Variants in LIX1L observed in about 807,000 individuals in gnomAD.
The protein encoded by LIX1L is limb and CNS expressed 1 like.
Under a neutral mutation model 34.0 loss-of-function variants are expected in LIX1L, and 20 were observed. That is an observed-to-expected ratio of 0.59 (90% CI 0.41 to 0.85). LIX1L has a LOEUF of 0.85. Ranked by LOEUF, LIX1L falls within the 40% of genes least tolerant of loss-of-function variation. LIX1L has a pLI of 0.00. For synonymous variants in LIX1L, 170 were observed against 187.4 expected (o/e 0.91, Z 0.76); for missense variants, 397 against 447.0 (o/e 0.89, Z 1.01).
intron 1 of LIX1L, among the ~76,000 whole-genome samples, chr1:145,951,766 A>C (rs1170786871): frequency 3.3e-5 from 5 of 152,180 alleles, no homozygotes; most frequent in African/African-American, 1.2e-4. Context: ...CTTGACATGC[A>C]CACAACAGGG....
At chr1:145,946,540 T>A (rs1361279134) in intron 2 of LIX1L, among the ~76,000 whole-genome samples, 1 of 152,108 alleles carries the variant, frequency 6.6e-6, no homozygotes, top group Non-Finnish European at 1.5e-5. Context: ...ATCACCTGAT[T>A]TGAAATGAAG....
At chr1:145,947,865 T>A (rs973481463) in intron 1 of LIX1L, 83 bp from the exon 2 acceptor site, 16 of 1,234,986 alleles carry the variant, frequency 1.3e-5, no homozygotes, top group Non-Finnish European at 1.9e-5. Flanking sequence ...ACCTGTAACC[T>A]GTACCTACAT....
intron 1 of LIX1L, among the ~76,000 whole-genome samples, chr1:145,951,561 A>AAAAATT (rs1218330402): frequency 6.6e-6 from 1 of 152,194 alleles, no homozygotes; most frequent in Non-Finnish European, 1.5e-5. Context: ...CATGGGCAAA[A>AAAAATT]AAAATTAAAA....
At chr1:145,945,346 T>A in intron 2 of LIX1L, among the ~76,000 whole-genome samples, 1 of 145,262 alleles carries the variant, frequency 6.9e-6, no homozygotes, top group African/African-American at 2.5e-5. Context: ...AGAAAGACAA[T>A]TCTCCTCTTT....
In LIX1L at chr1:145,942,854, C is replaced by G; in HGVS notation, c.457-1G>C. The G allele has an allele frequency of 6.2e-7, 1 of 1,613,984 alleles. No individual in the cohort carries two copies. Among genetic ancestry groups the G allele is most frequent in the Non-Finnish European group, 8.5e-7 (1 of 1,179,924 alleles). On this transcript the variant is annotated splice_acceptor_variant, in intron 2 of 5. Coordinates refer to ENST00000604000, the MANE Select transcript of LIX1L (RefSeq NM_153713.3). LOFTEE classifies it high-confidence loss of function. ...GGGCCTCAGCTTTTGTGGGGCAAAA[C>G]TAGGCAGGGGAGAAAGAGTGAGAAT...
At chr1:145,955,964 T>C (rs1553760319) in intron 1 of LIX1L, among the ~76,000 whole-genome samples, 1 of 152,210 alleles carries the variant, frequency 6.6e-6, no homozygotes, top group African/African-American at 2.4e-5. Flanking sequence ...TTTTAATAAA[T>C]GCCTGTAAGT....
chr1:145,933,778 T>G lies in LIX1L; in HGVS notation c.*2532A>C, dbSNP rs1329568550. The G allele has an allele frequency of 6.6e-6, 1 of 152,040 alleles. No homozygotes were observed. Among genetic ancestry groups the G allele is most frequent in the Non-Finnish European group, 1.5e-5 (1 of 68,018 alleles). 9.4% of individuals were successfully genotyped at this position (152,040 alleles called of 1,614,324 possible). On this transcript the variant is annotated 3_prime_UTR_variant, in exon 6 of 6. Coordinates refer to ENST00000604000, the MANE Select transcript of LIX1L (RefSeq NM_153713.3). ...TTTCATGGAATACAAACATGGGGCTTCTACCCCAGCTCTCTTCTGATTAGT... is the reference window on the plus strand; with the variant it reads ...TTTCATGGAATACAAACATGGGGCTGCTACCCCAGCTCTCTTCTGATTAGT...
chr1:145,942,049 AT>A (rs1217039026), intron 3 of LIX1L: 6 of 148,746 alleles, frequency 4.0e-5, no homozygotes, highest in Admixed American at 6.7e-5. Context: ...ATGCCCGGCT[AT>A]TTTTTTTTTA....
chr1:145,955,866 G>C (rs1649457522), intron 1 of LIX1L, among the ~76,000 whole-genome samples: 2 of 152,294 alleles, frequency 1.3e-5, no homozygotes, highest in South Asian at 4.1e-4. Context: ...CTAAGGAAAT[G>C]AAAGTTTTTA....
intron 2 of LIX1L, chr1:145,947,374 A>G: frequency 2.2e-6 from 1 of 457,972 alleles, no homozygotes; most frequent in Non-Finnish European, 4.0e-6. Flanking sequence ...AGTCGGATAT[A>G]CTGAGCAAGG....
intron 1 of LIX1L, among the ~76,000 whole-genome samples, chr1:145,951,454 T>C (rs1455151890): frequency 6.6e-6 from 1 of 152,236 alleles, no homozygotes; most frequent in Non-Finnish European, 1.5e-5. Flanking sequence ...ATAAACTCTT[T>C]TTAATAACCT....
intron 2 of LIX1L, among the ~76,000 whole-genome samples, chr1:145,946,653 G>A (rs1649123047): frequency 6.6e-6 from 1 of 152,156 alleles, no homozygotes; most frequent in Non-Finnish European, 1.5e-5. Flanking sequence ...GCACTAAGAT[G>A]GGTGGTAGGG....
chr1:145,957,246 G>A (rs587642915), intron 1 of LIX1L, among the ~76,000 whole-genome samples: 1 of 152,304 alleles, frequency 6.6e-6, no homozygotes, highest in African/African-American at 2.4e-5. Context: ...ACAGAGGAAA[G>A]ACTGAGAGGG....
chr1:145,956,251 T>A (rs971906857), intron 1 of LIX1L, among the ~76,000 whole-genome samples: 1 of 152,204 alleles, frequency 6.6e-6, no homozygotes, highest in African/African-American at 2.4e-5. Context: ...GGGAAATTGA[T>A]GATGAATGAA....
At chr1:145,946,443 C>T (rs868921538) in intron 2 of LIX1L, among the ~76,000 whole-genome samples, 1 of 151,938 alleles carries the variant, frequency 6.6e-6, no homozygotes, top group Non-Finnish European at 1.5e-5. Context: ...GTGATCCACC[C>T]GCCTCGGCCT....
At chr1:145,953,413 G>A (rs1649367808) in intron 1 of LIX1L, among the ~76,000 whole-genome samples, 1 of 152,180 alleles carries the variant, frequency 6.6e-6, no homozygotes, top group South Asian at 2.1e-4. Flanking sequence ...CATAGAGGAT[G>A]GCGAGAATAG....
chr1:145,946,352 C>T (rs1408208032), intron 2 of LIX1L, among the ~76,000 whole-genome samples: 1 of 151,906 alleles, frequency 6.6e-6, no homozygotes. Flanking sequence ...GCGTGCACCA[C>T]CATGCCCAGC....
rs1169729562 is a variant in LIX1L, at chr1:145,934,971, A to T, written c.*1339T>A. 6.6e-6 allele frequency: 1 copy of T among 152,082 alleles called. No individual in the cohort carries two copies. The highest frequency in any genetic ancestry group is 1.5e-5 in the Non-Finnish European group (1 of 68,078). 9.4% of individuals were successfully genotyped at this position (152,082 alleles called of 1,614,324 possible). ...TACCTTATGTCAGGAGTTCAAGAAC[A>T]GCCTGGCCAACATGGTGAAACCCTG... is the stretch of plus-strand genomic sequence containing the variant. On this transcript the variant is annotated 3_prime_UTR_variant, in exon 6 of 6. Coordinates refer to ENST00000604000, the MANE Select transcript of LIX1L (RefSeq NM_153713.3).
intron 1 of LIX1L, among the ~76,000 whole-genome samples, chr1:145,947,992 C>T (rs140940977): frequency 6.6e-6 from 1 of 152,286 alleles, no homozygotes; most frequent in East Asian, 1.9e-4. Flanking sequence ...TGCCCTCCTC[C>T]ACCACTTTTC....
Sources: allele counts gnomAD v4.1 joint callset (sites outside exome capture counted in the v4.1 genomes callset), GRCh38; gene constraint gnomAD v4.1.1; transcripts MANE v1.5; gene names NCBI Gene and HGNC (gene_info 2026-07-23, HGNC 2026-07-21).